PPP1R42: variants seen among roughly 807,000 people sequenced by gnomAD.
The protein encoded by PPP1R42 is leucine rich repeat containing 67.
PPP1R42 carries 34 observed loss-of-function variants against 31.0 expected under a neutral mutation model. That is an observed-to-expected ratio of 1.10 (90% confidence interval 0.83 to 1.46). The LOEUF is 1.46. Ranked by LOEUF, PPP1R42 falls within the 40% of genes most tolerant of loss-of-function variation. The probability of loss-of-function intolerance (pLI) is 0.00; values close to 1 mark genes in which losing one functional copy is unlikely to be tolerated. For synonymous variants in PPP1R42, 103 were observed against 109.8 expected (o/e 0.94, Z 0.39); for missense variants, 268 against 303.0 (o/e 0.88, Z 0.86).
rs1230392103 is a variant in PPP1R42 at position 66,988,555 on chromosome 8, C to A, written c.553-38G>T. On this transcript the variant is annotated intron_variant, in intron 5 of 7. Transcript: ENST00000685739. The stretch of plus-strand genomic sequence containing the variant: ...AAGAAAAAGCAAAGCACAAGCATTT[C>A]ATATTTACCAATACTTCTAGCATGT... The A allele has an allele frequency of 2.6e-6, 4 of 1,548,706 alleles. No homozygotes were observed. The African/African-American group carries it at 4.1e-5, about 16-fold the overall frequency.
intron 6 of PPP1R42, among the ~76,000 whole-genome samples, chr8:66,987,285 ATCTT>A (rs1815048160): frequency 7.7e-6 from 1 of 130,292 alleles, no homozygotes; most frequent in South Asian, 2.4e-4. Context: ...TTAGCAAATG[ATCTT>A]TTTTTTTTTT....
intron 1 of PPP1R42, among the ~76,000 whole-genome samples, chr8:67,023,791 T>C (rs992292097): frequency 1.3e-5 from 2 of 152,098 alleles, no homozygotes; most frequent in African/African-American, 2.4e-5. Context: ...TCACCAAGTA[T>C]GATATCTGCT....
intron 7 of PPP1R42, among the ~76,000 whole-genome samples, chr8:66,976,232 G>A (rs1814667968): frequency 6.6e-6 from 1 of 152,112 alleles, no homozygotes; most frequent in Admixed American, 6.6e-5. Flanking sequence ...TCCCAGATAG[G>A]ATCATCTAGT....
chr8:66,990,046 T>C (rs1298200144), intron 5 of PPP1R42, among the ~76,000 whole-genome samples: 2 of 152,252 alleles, frequency 1.3e-5, no homozygotes, highest in Non-Finnish European at 2.9e-5. Context: ...TAGTTGACTT[T>C]TTATAAGAAA....
intron 1 of PPP1R42, among the ~76,000 whole-genome samples, chr8:67,022,975 A>G (rs1369686247): frequency 6.6e-6 from 1 of 152,194 alleles, no homozygotes; most frequent in Non-Finnish European, 1.5e-5. Context: ...TTCATGAAGC[A>G]CTGACATTTC....
At chr8:66,994,281 G>A (rs1815273119) in intron 5 of PPP1R42, among the ~76,000 whole-genome samples, 1 of 152,118 alleles carries the variant, frequency 6.6e-6, no homozygotes, top group African/African-American at 2.4e-5. Context: ...AGCCTCTAAT[G>A]CAGCCACTCC....
intron 7 of PPP1R42, among the ~76,000 whole-genome samples, chr8:66,970,615 G>A (rs1293558359): frequency 1.3e-5 from 2 of 152,250 alleles, no homozygotes; most frequent in South Asian, 2.1e-4. Flanking sequence ...CTCTGAAGTC[G>A]CCCACCCACT....
chr8:66,993,181 C>A, intron 5 of PPP1R42, among the ~76,000 whole-genome samples: 1 of 152,184 alleles, frequency 6.6e-6, no homozygotes, highest in Non-Finnish European at 1.5e-5. Context: ...ATCCACTTTA[C>A]TTCCTAAACA....
chr8:67,001,660 A>G (rs1048357622), intron 5 of PPP1R42, among the ~76,000 whole-genome samples: 7 of 152,188 alleles, frequency 4.6e-5, no homozygotes, highest in African/African-American at 1.7e-4. Flanking sequence ...TTACTATCAA[A>G]TAGCATGGTA....
At chr8:67,004,200 T>G (rs1007745708) in intron 5 of PPP1R42, among the ~76,000 whole-genome samples, 3 of 152,140 alleles carry the variant, frequency 2.0e-5, no homozygotes, top group Non-Finnish European at 4.4e-5. Context: ...CTTTCATCCC[T>G]CTGCTGTATG....
Position 66,989,983 on chromosome 8 carries a change from C to T in PPP1R42, c.553-1466G>A, listed in dbSNP as rs148058310. On this transcript the variant is annotated intron_variant, in intron 5 of 7. Coordinates refer to ENST00000685739, the MANE Select transcript of PPP1R42 (RefSeq NM_001364910.1). ...TCTCTTAATTTTTGTCAACAGAGAG[C>T]GAAAACATTTTAAGTAAGGAAGAAG... Among the ~76,000 whole-genome samples the T allele has an allele frequency of 4.2e-3, 642 of 152,242 alleles. 4 individuals are homozygous for T. The highest frequency in any genetic ancestry group is 0.014 in the African/African-American group (592 of 41,534).
At chr8:67,022,131 TAA>T (rs916395457) in intron 1 of PPP1R42, among the ~76,000 whole-genome samples, 4 of 152,210 alleles carry the variant, frequency 2.6e-5, no homozygotes, top group Non-Finnish European at 4.4e-5. Context: ...CACTGGCAAG[TAA>T]AAGAGTTCCC....
intron 5 of PPP1R42, among the ~76,000 whole-genome samples, chr8:67,005,758 CTTAT>C (rs745920511): frequency 2.0e-5 from 3 of 152,150 alleles, no homozygotes; most frequent in Non-Finnish European, 2.9e-5. Flanking sequence ...ACCATCTTCT[CTTAT>C]TTAACTTCTG....
At chr8:67,019,834 G>T (rs1259550221) in intron 1 of PPP1R42, among the ~76,000 whole-genome samples, 1 of 151,320 alleles carries the variant, frequency 6.6e-6, no homozygotes, top group East Asian at 2.0e-4. Context: ...CTTGTAGTGA[G>T]CCGAGATCAC....
At chr8:67,003,026 G>A (rs1025010031) in intron 5 of PPP1R42, among the ~76,000 whole-genome samples, 5 of 150,268 alleles carry the variant, frequency 3.3e-5, no homozygotes, top group Non-Finnish European at 5.9e-5. Context: ...TTAGCTGGGC[G>A]TGGTGGCGGG....
At chr8:66,969,778 CCCCTG>C (rs1470460215) in intron 7 of PPP1R42, among the ~76,000 whole-genome samples, 1 of 152,184 alleles carries the variant, frequency 6.6e-6, no homozygotes, top group African/African-American at 2.4e-5. Flanking sequence ...CAAAGTATGT[CCCCTG>C]GCTCTGTTTA....
At chr8:67,025,063 G>C (rs1816353092) in intron 1 of PPP1R42, among the ~76,000 whole-genome samples, 1 of 148,338 alleles carries the variant, frequency 6.7e-6, no homozygotes, top group South Asian at 2.2e-4. Flanking sequence ...TCAGCCTCTT[G>C]AGCAGCTGGG....
At chr8:67,023,480 T>C (rs1230665405) in intron 1 of PPP1R42, among the ~76,000 whole-genome samples, 1 of 152,204 alleles carries the variant, frequency 6.6e-6, no homozygotes, top group Non-Finnish European at 1.5e-5. Flanking sequence ...CTTTTAGAAA[T>C]TGTATTTTCT....
In PPP1R42 at chr8:66,982,065, T is replaced by C; in HGVS notation, c.786A>G (p.Ala262=). The change falls in exon 7 of 8, where the codon GCA becomes GCG. Residue 262 remains alanine, a synonymous_variant. Transcript: ENST00000685739. ...SKKRSSKNED[A]SNSLIRISL is the part of the protein sequence containing the mutation. ...AGTGCTTACTTATGAGTGAATTGCT[T>C]GCATCCTCATTTTTACTGCTCCTTT... 6.8e-7 allele frequency: 1 copy of C among 1,461,482 alleles called. No individual in the cohort carries two copies. 90.5% of individuals were successfully genotyped at this position (1,461,482 alleles called of 1,614,324 possible). A position where few individuals can be genotyped will look rare whatever the true frequency, so the allele number is the denominator to read the frequency against.
Sources: allele counts gnomAD v4.1 joint callset (sites outside exome capture counted in the v4.1 genomes callset), GRCh38; gene constraint gnomAD v4.1.1; transcripts MANE v1.5; gene names NCBI Gene and HGNC (gene_info 2026-07-23, HGNC 2026-07-21).